PEX5L: variants seen among roughly 807,000 people sequenced by gnomAD.
The protein encoded by PEX5L is PEX5-related protein.
In PEX5L, 30 loss-of-function variants were observed where a neutral mutation model predicts 84.0. The ratio of observed to expected loss-of-function variants is 0.36; its 90% CI spans 0.27 to 0.48. The LOEUF (loss-of-function observed/expected upper bound fraction) is 0.48. PEX5L is among the 20% of genes least tolerant of loss of function. PEX5L has a pLI of 0.99. For synonymous variants in PEX5L, 270 were observed against 283.1 expected (o/e 0.95, Z 0.46); for missense variants, 533 against 754.6 (o/e 0.71, Z 3.44).
At chr3:179,907,648 T>C (rs1001714460) in intron 2 of PEX5L, among the ~76,000 whole-genome samples, 1 of 152,152 alleles carries the variant, frequency 6.6e-6, no homozygotes, top group Non-Finnish European at 1.5e-5. Flanking sequence ...AAAAACTGTA[T>C]GTTAAATATT....
intron 1 of PEX5L, among the ~76,000 whole-genome samples, chr3:180,027,397 T>A (rs762721700): frequency 2.0e-5 from 3 of 152,230 alleles, no homozygotes; most frequent in Non-Finnish European, 4.4e-5. Flanking sequence ...AAGAGTACAA[T>A]GGACTCCCAT....
chr3:179,874,261 T>C, intron 7 of PEX5L, 66 bp downstream of exon 7: 1 of 921,974 alleles, frequency 1.1e-6, no homozygotes, highest in South Asian at 1.5e-5. Context: ...AAAATGAAAA[T>C]AAAGCATTTA....
chr3:179,934,709 T>C (rs1179000518), intron 2 of PEX5L, among the ~76,000 whole-genome samples: 2 of 152,208 alleles, frequency 1.3e-5, no homozygotes. Context: ...GTATTCCCTA[T>C]GCCGTTTATT....
chr3:179,880,176 T>G (rs1052674148), intron 4 of PEX5L, 53 bp from the exon 5 acceptor site: 8 of 1,147,222 alleles, frequency 7.0e-6, no homozygotes, highest in Non-Finnish European at 8.7e-6. Flanking sequence ...CTGAAATTAT[T>G]TAAAATAGGT....
chr3:179,939,065 G>A (rs1775372384), intron 2 of PEX5L, among the ~76,000 whole-genome samples: 1 of 152,176 alleles, frequency 6.6e-6, no homozygotes, highest in African/African-American at 2.4e-5. Context: ...CTGAAACTCT[G>A]CCTCACAAAT....
intron 2 of PEX5L, among the ~76,000 whole-genome samples, chr3:179,958,277 G>A (rs911023151): frequency 6.6e-6 from 1 of 152,122 alleles, no homozygotes; most frequent in East Asian, 1.9e-4. Flanking sequence ...ATGAAAGGAA[G>A]TTTTTAAACG....
At chr3:179,869,975 C>A (rs1749714981) in intron 7 of PEX5L, among the ~76,000 whole-genome samples, 1 of 152,124 alleles carries the variant, frequency 6.6e-6, no homozygotes, top group Non-Finnish European at 1.5e-5. Flanking sequence ...GAAGCGTAAA[C>A]AGACTGTAAC....
intron 8 of PEX5L, among the ~76,000 whole-genome samples, chr3:179,830,183 AG>A (rs546627037): frequency 2.0e-5 from 3 of 151,710 alleles, no homozygotes; most frequent in Admixed American, 6.6e-5. Flanking sequence ...GAATATTTGG[AG>A]GGGGGAAAAA....
At chr3:179,813,664 ATTTTT>A (rs35351586) in intron 10 of PEX5L, among the ~76,000 whole-genome samples, 1 of 96,418 alleles carries the variant, frequency 1.0e-5, no homozygotes, top group Non-Finnish European at 2.0e-5. Context: ...CACTCAACTA[ATTTTT>A]TTTTTTTTTT....
chr3:179,867,954 G>A (rs1748917793), intron 7 of PEX5L, among the ~76,000 whole-genome samples: 1 of 151,952 alleles, frequency 6.6e-6, no homozygotes, highest in African/African-American at 2.4e-5. Flanking sequence ...AATTATCTCT[G>A]GTGGATAAGC....
chr3:179,905,631 T>A (rs996962769), intron 2 of PEX5L, among the ~76,000 whole-genome samples: 1 of 151,536 alleles, frequency 6.6e-6, no homozygotes, highest in African/African-American at 2.4e-5. Flanking sequence ...AGTCACTGAT[T>A]GGCTCCAAAG....
In PEX5L at chr3:179,875,390, G is replaced by A. The variant is rs1461387388; in HGVS notation, c.593C>T (p.Ser198Leu). The A allele has an allele frequency of 1.2e-6, 2 of 1,613,502 alleles. No homozygotes were observed. Among genetic ancestry groups the A allele is most frequent in the African/African-American group, 2.7e-5 (2 of 74,920 alleles). ...TKGHPMAERK[S>L]SSSRTGSKEL... ...TTTTGATCCAGTTCTAGATGAGGAT[G>A]ATTTTCTCTCTGCCATTGGATGTCC... The change falls in exon 6 of 15, where the codon TCA (serine) becomes TTA (leucine). Residue 198 changes from serine to leucine, a missense_variant. By Grantham distance (145) the Ser-to-Leu change is moderately radical (BLOSUM62 -2). Around this residue, in one of 8 missense-constraint regions of PEX5L, gnomAD observed 259 missense variants for 301.7 expected, o/e 0.86. Transcript: ENST00000467460.
At chr3:180,018,877 T>TTTA (rs1790176396) in intron 1 of PEX5L, among the ~76,000 whole-genome samples, 1 of 151,870 alleles carries the variant, frequency 6.6e-6, no homozygotes, top group African/African-American at 2.4e-5. Flanking sequence ...TTGTCTGTTT[T>TTTA]TTGTTGTTGT....
At chr3:179,954,213 G>GC (rs368928775) in intron 2 of PEX5L, among the ~76,000 whole-genome samples, 1 of 103,648 alleles carries the variant, frequency 9.6e-6, no homozygotes, top group African/African-American at 3.3e-5. Context: ...TCGGGGGGGG[G>GC]GGAAAAAGTC....
intron 1 of PEX5L, among the ~76,000 whole-genome samples, chr3:180,026,158 A>G (rs1470425528): frequency 8.1e-6 from 1 of 123,324 alleles, no homozygotes; most frequent in Non-Finnish European, 1.7e-5. Context: ...TTTTTTTGCA[A>G]TTTGGGAATA....
chr3:179,801,665 A>G lies in PEX5L; in HGVS notation c.*163T>C, dbSNP rs1320263565. 9.6e-6 allele frequency: 6 copies of G among 624,294 alleles called. No individual in the cohort carries two copies. The Admixed American group carries it at 1.7e-4, about 17-fold the overall frequency. The allele number at this position is 624,294 out of a possible 1,614,324, so 38.7% of individuals were successfully genotyped here. ...CAACATTTTGTGCTTTTGGATCTGA[A>G]CAGAGACTGGGCATTGTCCACAGGA... On this transcript the variant is annotated 3_prime_UTR_variant, in exon 15 of 15. Transcript: ENST00000467460.
chr3:179,896,488 A>T (rs1423226610), intron 3 of PEX5L, among the ~76,000 whole-genome samples: 2 of 152,130 alleles, frequency 1.3e-5, no homozygotes, highest in Non-Finnish European at 2.9e-5. Flanking sequence ...TAATAATCAC[A>T]ATTTCTTTTC....
At chr3:179,992,125 G>A (rs1282578178) in intron 1 of PEX5L, among the ~76,000 whole-genome samples, 1 of 152,140 alleles carries the variant, frequency 6.6e-6, no homozygotes, top group Non-Finnish European at 1.5e-5. Context: ...TCAAAATGAA[G>A]ACAGAGTAGA....
chr3:179,988,115 G>A (rs1787022590), intron 1 of PEX5L, among the ~76,000 whole-genome samples: 1 of 152,060 alleles, frequency 6.6e-6, no homozygotes, highest in African/African-American at 2.4e-5. Context: ...GATTAAAAAA[G>A]AGGGCTGGGC....
Sources: gnomAD v4.1 joint callset for allele counts (sites outside exome capture counted in the v4.1 genomes callset) on GRCh38, gnomAD v4.1.1 for gene constraint, gnomAD v4.1.1 regional missense constraint, MANE v1.5 for transcripts, NCBI Gene and HGNC (gene_info 2026-07-23, HGNC 2026-07-21) for gene names.